GPATCH2: variants seen among roughly 807,000 people sequenced by gnomAD.
The protein encoded by GPATCH2 is G patch domain-containing protein 2.
Under a neutral mutation model 58.0 loss-of-function variants are expected in GPATCH2, and 51 were observed. The ratio of observed to expected loss-of-function variants is 0.88; its 90% CI spans 0.70 to 1.11. GPATCH2 has a LOEUF of 1.11. Ranked by LOEUF, GPATCH2 falls within the 50% of genes most tolerant of loss-of-function variation. GPATCH2 has a pLI of 0.00. For missense variants in GPATCH2, 625 were observed against 652.2 expected (o/e 0.96, Z 0.45); for synonymous variants, 222 against 218.5 (o/e 1.02, Z -0.14).
intron 1 of GPATCH2, among the ~76,000 whole-genome samples, chr1:217,629,618 T>G (rs899726371): frequency 1.3e-5 from 2 of 152,096 alleles, no homozygotes; most frequent in Non-Finnish European, 2.9e-5. Context: ...GAGGGAACTG[T>G]GGGGTGATGG....
chr1:217,483,575 C>T lies in GPATCH2; in HGVS notation c.1277+8105G>A, dbSNP rs1231933989. 3.3e-5 allele frequency among the ~76,000 whole-genome samples: 5 copies of T among 152,152 alleles called. No individual in the cohort carries two copies. The East Asian group carries it at 5.8e-4, about 18-fold the overall frequency. On this transcript the variant is annotated intron_variant, in intron 8 of 9. Transcript: ENST00000366935. ...TGTGTACAAGTCTTTTAAGTATTCA[C>T]GTGGAATGCATAGTAGGTCTATGTT...
chr1:217,543,212 T>C lies in GPATCH2; in HGVS notation c.1099-28323A>G, dbSNP rs572622053. ...GTGGCTATATGTGTTGGCTCCAGAG[T>C]CAGTTTTAGATTTATGTCTCAGAGG... On this transcript the variant is annotated intron_variant, in intron 5 of 9. Transcript: ENST00000366935. Among the ~76,000 whole-genome samples, 13 of 151,542 alleles carry C rather than the reference T, an allele frequency of 8.6e-5. No homozygotes were observed. The South Asian group carries it at 2.7e-3, about 32-fold the overall frequency.
intron 5 of GPATCH2, among the ~76,000 whole-genome samples, chr1:217,555,350 T>G (rs1007217921): frequency 6.6e-6 from 1 of 152,172 alleles, no homozygotes; most frequent in African/African-American, 2.4e-5. Flanking sequence ...AAGTGGGAAG[T>G]TTCTGTCTGC....
chr1:217,612,743 G>A (rs1323881303), intron 3 of GPATCH2, among the ~76,000 whole-genome samples: 2 of 152,072 alleles, frequency 1.3e-5, no homozygotes, highest in East Asian at 3.8e-4. Context: ...CTTCAATAGG[G>A]AAATCAAATA....
intron 8 of GPATCH2, among the ~76,000 whole-genome samples, chr1:217,490,356 C>T (rs533005438): frequency 1.3e-5 from 2 of 152,218 alleles, no homozygotes; most frequent in African/African-American, 4.8e-5. Context: ...TTTTATTTAT[C>T]GTGCATGTTA....
intron 9 of GPATCH2, among the ~76,000 whole-genome samples, chr1:217,443,989 T>C (rs1255881368): frequency 1.3e-5 from 2 of 152,200 alleles, no homozygotes. Context: ...TTTTTATTTG[T>C]GGTGCTTCTC....
chr1:217,591,313 G>A (rs1667580776), intron 5 of GPATCH2, among the ~76,000 whole-genome samples: 1 of 152,080 alleles, frequency 6.6e-6, no homozygotes, highest in African/African-American at 2.4e-5. Context: ...GTGTGTACGT[G>A]TGTGTGTGCG....
chr1:217,563,104 C>T (rs1666011355), intron 5 of GPATCH2, among the ~76,000 whole-genome samples: 1 of 152,204 alleles, frequency 6.6e-6, no homozygotes, highest in African/African-American at 2.4e-5. Context: ...GACTATCCCA[C>T]AAGTAAAGGT....
intron 5 of GPATCH2, among the ~76,000 whole-genome samples, chr1:217,519,897 T>C (rs888193269): frequency 1.3e-5 from 2 of 152,242 alleles, no homozygotes; most frequent in Non-Finnish European, 2.9e-5. Context: ...ATTTTAGTTA[T>C]ATTGTTCACC....
chr1:217,599,891 T>A (rs1044659282), intron 5 of GPATCH2, among the ~76,000 whole-genome samples: 4 of 152,194 alleles, frequency 2.6e-5, no homozygotes, highest in African/African-American at 7.2e-5. Context: ...TAAAATGAGA[T>A]GAAATCTAAG....
At chr1:217,590,488 G>T (rs1209421754) in intron 5 of GPATCH2, among the ~76,000 whole-genome samples, 4 of 152,204 alleles carry the variant, frequency 2.6e-5, no homozygotes, top group African/African-American at 9.7e-5. Context: ...CCTGCAACAT[G>T]CAATGCTTTG....
chr1:217,465,049 A>C (rs1200477723), intron 8 of GPATCH2, among the ~76,000 whole-genome samples: 1 of 152,064 alleles, frequency 6.6e-6, no homozygotes, highest in Non-Finnish European at 1.5e-5. Flanking sequence ...GGATAGAAGG[A>C]AGATTTAAAA....
At chr1:217,452,581 T>A (rs1271287251) in intron 8 of GPATCH2, among the ~76,000 whole-genome samples, 1 of 152,208 alleles carries the variant, frequency 6.6e-6, no homozygotes, top group Non-Finnish European at 1.5e-5. Context: ...TTATAACTAT[T>A]TTTTCATACT....
At chr1:217,432,594 G>C (rs1362853419) in intron 9 of GPATCH2, among the ~76,000 whole-genome samples, 1 of 152,088 alleles carries the variant, frequency 6.6e-6, no homozygotes, top group Non-Finnish European at 1.5e-5. Flanking sequence ...TCTAGCAGCA[G>C]GTATTAGATT....
Position 217,455,787 on chromosome 1 carries a change from TGC to T in GPATCH2, c.1278-6452_1278-6451del, listed in dbSNP as rs146940620. ...CATTCCTGTTTTTGCGCCCAAAAGTTGCCTTTGGACTGCCACACCTCCCTATC... is the reference window on the plus strand; with the variant it reads ...CATTCCTGTTTTTGCGCCCAAAAGTTCTTTGGACTGCCACACCTCCCTATC... On this transcript the variant is annotated intron_variant, in intron 8 of 9. Coordinates refer to ENST00000366935, the MANE Select transcript of GPATCH2 (RefSeq NM_018040.5). 2.1e-4 allele frequency among the ~76,000 whole-genome samples: 32 copies of T among 152,048 alleles called. No homozygotes were observed. In the East Asian group the frequency reaches 6.0e-3, roughly 29 times the overall value.
At chr1:217,498,107 CAG>C in intron 7 of GPATCH2, 2 of 585,778 alleles carry the variant, frequency 3.4e-6, no homozygotes, top group East Asian at 2.9e-5. Flanking sequence ...GAGTGAGTTT[CAG>C]AGTCTTTCCA....
At chr1:217,610,196 C>CA (rs1324433360) in intron 5 of GPATCH2, 125 bp downstream of exon 5, 19 of 1,592,724 alleles carry the variant, frequency 1.2e-5, no homozygotes, top group African/African-American at 4.1e-5. Flanking sequence ...TTGTAGCCTA[C>CA]AAAAAAATGG....
chr1:217,545,696 A>T (rs1014135597), intron 5 of GPATCH2, among the ~76,000 whole-genome samples: 10 of 152,218 alleles, frequency 6.6e-5, no homozygotes, highest in African/African-American at 2.4e-4. Context: ...ACAAGTGGTC[A>T]AAAGAACAAG....
Position 217,488,030 on chromosome 1 carries a change from G to A in GPATCH2, c.1277+3650C>T, listed in dbSNP as rs554404421. On this transcript the variant is annotated intron_variant, in intron 8 of 9. Transcript: ENST00000366935. ...GTTGGGATTACAGGCGTGAGCCACCGCACCCAGCCTTTAACTGTAACCTTT... is the reference window on the plus strand; with the variant it reads ...GTTGGGATTACAGGCGTGAGCCACCACACCCAGCCTTTAACTGTAACCTTT... 4.0e-5 allele frequency among the ~76,000 whole-genome samples: 6 copies of A among 151,898 alleles called. No individual in the cohort carries two copies. In the South Asian group the frequency reaches 6.2e-4, roughly 16 times the overall value.
Sources: allele counts gnomAD v4.1 joint callset (sites outside exome capture counted in the v4.1 genomes callset), GRCh38; gene constraint gnomAD v4.1.1; transcripts MANE v1.5; gene names NCBI Gene and HGNC (gene_info 2026-07-23, HGNC 2026-07-21).